Variants in CDH18 observed in about 807,000 individuals in gnomAD.
CDH18 encodes cadherin-18.
Under a neutral mutation model 67.9 loss-of-function variants are expected in CDH18, and 31 were observed. The ratio of observed to expected loss-of-function variants is 0.46; its 90% CI spans 0.34 to 0.62. The LOEUF is 0.62. Ranked by LOEUF, CDH18 falls within the 20% of genes least tolerant of loss-of-function variation. The pLI, the probability that CDH18 is intolerant of heterozygous loss-of-function variation, is 0.01. For missense variants in CDH18, 890 were observed against 975.5 expected, an observed-to-expected ratio of 0.91 and a Z score of 1.17; for synonymous variants, 362 against 347.2, an observed-to-expected ratio of 1.04 and a Z score of -0.48.
At chr5:19,711,663 A>T (rs1199103799) in intron 5 of CDH18, among the ~76,000 whole-genome samples, 2 of 151,608 alleles carry the variant, frequency 1.3e-5, no homozygotes, top group African/African-American at 4.8e-5. Flanking sequence ...AAAAAAAAAA[A>T]AAAAAGCAAA....
chr5:19,859,003 T>C (rs548031921), intron 2 of CDH18, among the ~76,000 whole-genome samples: 3 of 152,000 alleles, frequency 2.0e-5, no homozygotes, highest in South Asian at 2.1e-4. Flanking sequence ...TAATTATGTA[T>C]AAAAAGTGGC....
chr5:19,589,411 G>A (rs1373252118), intron 7 of CDH18, among the ~76,000 whole-genome samples: 1 of 151,930 alleles, frequency 6.6e-6, no homozygotes, highest in Non-Finnish European at 1.5e-5. Flanking sequence ...TAATCTTTTA[G>A]AAAAAATTAA....
chr5:20,352,283 G>A (rs1003558850), intron 1 of CDH18, among the ~76,000 whole-genome samples: 3 of 151,824 alleles, frequency 2.0e-5, no homozygotes, highest in Admixed American at 2.0e-4. Flanking sequence ...TTAATGAATA[G>A]TCAACATATT....
At chr5:19,867,130 C>G (rs967728677) in intron 2 of CDH18, among the ~76,000 whole-genome samples, 10 of 152,208 alleles carry the variant, frequency 6.6e-5, no homozygotes, top group Admixed American at 6.5e-5. Flanking sequence ...CCAACACCCA[C>G]TCACCTCCTG....
intron 2 of CDH18, among the ~76,000 whole-genome samples, chr5:20,085,495 A>G (rs1269254217): frequency 6.6e-6 from 1 of 152,078 alleles, no homozygotes; most frequent in East Asian, 1.9e-4. Flanking sequence ...TCACTTCCAC[A>G]TTTTTGGGTA....
intron 8 of CDH18, among the ~76,000 whole-genome samples, chr5:19,561,730 GA>G (rs1045390849): frequency 4.6e-5 from 7 of 152,134 alleles, no homozygotes; most frequent in African/African-American, 1.4e-4. Context: ...TGGCCTAGGG[GA>G]AAAAATCATT....
intron 7 of CDH18, among the ~76,000 whole-genome samples, chr5:19,581,072 G>T (rs1032099812): frequency 1.4e-4 from 21 of 151,916 alleles, no homozygotes; most frequent in African/African-American, 5.1e-4. Flanking sequence ...AAATGCTATT[G>T]ATAAAATTGT....
intron 9 of CDH18, among the ~76,000 whole-genome samples, chr5:19,539,422 T>C (rs1749897754): frequency 6.6e-6 from 1 of 152,322 alleles, no homozygotes; most frequent in Admixed American, 6.5e-5. Flanking sequence ...ATAACATAAT[T>C]TTCATGAATG....
chr5:19,866,039 C>T lies in CDH18; in HGVS notation c.-256-26797G>A, dbSNP rs907507671. ...GCGATATTTTTGTCAAATCTGGATACGTAGGGAAAGAAAAACAACAACAAC... is the reference window on the plus strand; with the variant it reads ...GCGATATTTTTGTCAAATCTGGATATGTAGGGAAAGAAAAACAACAACAAC... On this transcript the variant is annotated intron_variant, in intron 2 of 12. Coordinates refer to ENST00000382275, the MANE Select transcript of CDH18 (RefSeq NM_004934.5). Among the ~76,000 whole-genome samples, 14 of 152,066 alleles carry T rather than the reference C, an allele frequency of 9.2e-5. No homozygotes were observed. In the South Asian group the frequency reaches 1.0e-3, roughly 11 times the overall value.
intron 2 of CDH18, among the ~76,000 whole-genome samples, chr5:20,172,191 T>TGTATATATATATATATAC (rs58954524): frequency 7.2e-4 from 4 of 5,518 alleles, no homozygotes; most frequent in Non-Finnish European, 1.5e-3. Context: ...GCATTGTGTG[T>TGTATATATATATATATAC]ATATATATAT....
intron 1 of CDH18, among the ~76,000 whole-genome samples, chr5:20,491,900 T>C (rs1192051602): frequency 6.6e-6 from 1 of 152,210 alleles, no homozygotes; most frequent in Admixed American, 6.5e-5. Flanking sequence ...GGGCCTTTTC[T>C]TAAACATTGG....
intron 1 of CDH18, among the ~76,000 whole-genome samples, chr5:20,320,369 A>G (rs1010626881): frequency 5.3e-5 from 8 of 152,156 alleles, no homozygotes; most frequent in African/African-American, 1.7e-4. Flanking sequence ...AAAAAGAACC[A>G]CTGAGGTGGG....
intron 1 of CDH18, among the ~76,000 whole-genome samples, chr5:20,328,273 A>T (rs1285495447): frequency 2.0e-5 from 3 of 152,200 alleles, no homozygotes; most frequent in Non-Finnish European, 4.4e-5. Flanking sequence ...TATCAACCGT[A>T]TCCAGGTGAG....
At chr5:20,281,610 G>A (rs997666965) in intron 1 of CDH18, among the ~76,000 whole-genome samples, 1 of 152,090 alleles carries the variant, frequency 6.6e-6, no homozygotes, top group African/African-American at 2.4e-5. Context: ...GGTTACTGTA[G>A]CCTTGTAGTA....
chr5:20,535,692 A>G (rs1484958961), intron 1 of CDH18, among the ~76,000 whole-genome samples: 1 of 152,080 alleles, frequency 6.6e-6, no homozygotes, highest in Non-Finnish European at 1.5e-5. Flanking sequence ...AACTGTTTTC[A>G]GCTCTCAAAA....
chr5:20,145,123 A>C (rs1750537192), intron 2 of CDH18, among the ~76,000 whole-genome samples: 1 of 152,210 alleles, frequency 6.6e-6, no homozygotes, highest in African/African-American at 2.4e-5. Flanking sequence ...TATCACATAG[A>C]CAAAACAAGA....
intron 1 of CDH18, among the ~76,000 whole-genome samples, chr5:20,493,071 C>A (rs572815578): frequency 6.6e-6 from 1 of 151,748 alleles, no homozygotes; most frequent in South Asian, 2.1e-4. Context: ...GTTTTTGGCC[C>A]GGGGTTGTGG....
intron 3 of CDH18, among the ~76,000 whole-genome samples, chr5:19,794,873 G>C (rs1158857121): frequency 1.3e-5 from 2 of 152,018 alleles, no homozygotes; most frequent in Admixed American, 6.6e-5. Context: ...TATAAACCCT[G>C]GAAGTCACAC....
intron 3 of CDH18, among the ~76,000 whole-genome samples, chr5:19,777,007 A>T (rs935103238): frequency 6.6e-6 from 1 of 152,120 alleles, no homozygotes; most frequent in African/African-American, 2.4e-5. Flanking sequence ...AAATGCAAAT[A>T]TATGGCTCAC....
Sources: gnomAD v4.1 joint callset for allele counts (sites outside exome capture counted in the v4.1 genomes callset) on GRCh38, gnomAD v4.1.1 for gene constraint, MANE v1.5 for transcripts, NCBI Gene and HGNC (gene_info 2026-07-23, HGNC 2026-07-21) for gene names.